SEC24A: variants seen among roughly 807,000 people sequenced by gnomAD.
SEC24A encodes SEC24 homolog A, COPII component.
In SEC24A, 93 loss-of-function variants were observed where a neutral mutation model predicts 129.4. The observed-to-expected ratio is 0.72, with a 90% CI of 0.61 to 0.85. The LOEUF (loss-of-function observed/expected upper bound fraction) is 0.85. SEC24A is among the 40% of genes least tolerant of loss of function. The pLI is 0.00. For synonymous variants in SEC24A, 460 were observed against 467.3 expected (o/e 0.98, Z 0.20); for missense variants, 1,264 against 1,307.4 (o/e 0.97, Z 0.51).
rs147235412 is a variant in SEC24A, at chr5:134,657,900, A to G, written c.98-3219A>G. On this transcript the variant is annotated intron_variant, in intron 1 of 22. Transcript: ENST00000398844. ...CAAAAATTATTTTTATTAAATGTGT[A>G]TATGCAAACACAAAACTAGATGTAA... is the stretch of plus-strand genomic sequence containing the variant. Among the ~76,000 whole-genome samples, 37 of 152,348 alleles carry G rather than the reference A, an allele frequency of 2.4e-4. No individual in the cohort carries two copies. In the East Asian group the frequency reaches 6.7e-3, roughly 28 times the overall value.
chr5:134,665,342 T>C (rs1307967894), intron 2 of SEC24A, among the ~76,000 whole-genome samples: 1 of 150,294 alleles, frequency 6.7e-6, no homozygotes, highest in East Asian at 2.1e-4. Context: ...TGGACCCAGC[T>C]GCTGCCGGAG....
chr5:134,697,487 C>T (rs1167772850), intron 14 of SEC24A, among the ~76,000 whole-genome samples: 1 of 152,076 alleles, frequency 6.6e-6, no homozygotes, highest in East Asian at 1.9e-4. Flanking sequence ...GCCTGTAATC[C>T]TAACAATTTG....
rs76648871 is a variant in SEC24A, at chr5:134,648,956, T to C, written c.-121T>C. On this transcript the variant is annotated 5_prime_UTR_variant, in exon 1 of 23. Coordinates refer to ENST00000398844, the MANE Select transcript of SEC24A (RefSeq NM_021982.3). ...GCCTCGGGCTTAATGCGCCCCCCCC[T>C]CTTCTCCCAGTCTTCAGTCTTAAGT... The C allele has an allele frequency of 4.5e-4, 211 of 467,066 alleles. No individual in the cohort carries two copies. The highest frequency in any genetic ancestry group is 3.5e-3 in the East Asian group (58 of 16,366). The allele number at this position is 467,066 out of a possible 1,614,324, so 28.9% of individuals were successfully genotyped here.
chr5:134,662,235 A>G (rs571100603), intron 2 of SEC24A, among the ~76,000 whole-genome samples: 1 of 152,000 alleles, frequency 6.6e-6, no homozygotes, highest in Admixed American at 6.6e-5. Flanking sequence ...GCTCACTGCA[A>G]GCTCTGCCTC....
At chr5:134,723,771 C>T (rs1358711259) in intron 22 of SEC24A, 101 bp downstream of exon 22, 43 of 701,906 alleles carry the variant, frequency 6.1e-5, no homozygotes, top group Non-Finnish European at 7.0e-5. Flanking sequence ...AAAAAGAGTT[C>T]TTCTCAATAA....
chr5:134,667,396 A>G (rs914201811), intron 3 of SEC24A, among the ~76,000 whole-genome samples: 2 of 152,058 alleles, frequency 1.3e-5, no homozygotes, highest in African/African-American at 4.8e-5. Flanking sequence ...CACACCTGTA[A>G]TCCCAGCACT....
intron 9 of SEC24A, among the ~76,000 whole-genome samples, chr5:134,684,356 G>A (rs1040250648): frequency 1.3e-5 from 2 of 150,942 alleles, no homozygotes; most frequent in Non-Finnish European, 3.0e-5. Flanking sequence ...GGGCAGTTGG[G>A]TCCATTTTTC....
In SEC24A at chr5:134,692,749, T is replaced by C. The variant is rs75170219; in HGVS notation, c.1779+92T>C. On this transcript the variant is annotated intron_variant, in intron 12 of 22. Transcript: ENST00000398844. ...CTTTAAGTAAAATTTTGATTATTTC[T>C]GTGACATTTCTAAGATGTGTAGCAT... The C allele has an allele frequency of 6.2e-3, 5,328 of 858,614 alleles. 28 individuals are homozygous for C. Among genetic ancestry groups the C allele is most frequent in the Non-Finnish European group, 7.8e-3 (3,980 of 512,144 alleles). The allele number at this position is 858,614 out of a possible 1,614,324, so 53.2% of individuals were successfully genotyped here. A position where few individuals can be genotyped will look rare whatever the true frequency, so the allele number is the denominator to read the frequency against.
chr5:134,671,820 A>C lies in SEC24A; in HGVS notation c.751A>C (p.Asn251His). The change falls in exon 4 of 23, where the codon AAT (asparagine) becomes CAT (histidine). Residue 251 changes from asparagine to histidine, a missense_variant. Coordinates refer to ENST00000398844, the MANE Select transcript of SEC24A (RefSeq NM_021982.3). ...AACTTCCTTCTTAGGTATTACATCAAATACCAATAACGGATCTATGGTGGT... is the reference window on the plus strand; with the variant it reads ...AACTTCCTTCTTAGGTATTACATCACATACCAATAACGGATCTATGGTGGT... ...SAVNQEGITSNTNNGSMVVHS... is the reference protein window; with the variant it reads ...SAVNQEGITSHTNNGSMVVHS... 6.3e-7 allele frequency: 1 copy of C among 1,598,644 alleles called. No individual in the cohort carries two copies. The highest frequency in any genetic ancestry group is 2.2e-5 in the East Asian group (1 of 44,528).
At chr5:134,715,416 A>G (rs1752447661) in intron 19 of SEC24A, 1 of 345,750 alleles carries the variant, frequency 2.9e-6, no homozygotes. Flanking sequence ...GACCAGAGCA[A>G]CTTACTAATT....
At chr5:134,704,874 A>C (rs544420239) in intron 16 of SEC24A, among the ~76,000 whole-genome samples, 1 of 150,336 alleles carries the variant, frequency 6.7e-6, no homozygotes, top group African/African-American at 2.4e-5. Flanking sequence ...ATAGGGTCTT[A>C]CTATGTTGTT....
intron 7 of SEC24A, among the ~76,000 whole-genome samples, chr5:134,676,600 C>A (rs541912570): frequency 6.6e-6 from 1 of 152,028 alleles, no homozygotes; most frequent in Non-Finnish European, 1.5e-5. Context: ...TCTGCCACCA[C>A]ACCCAGCTAA....
chr5:134,664,792 C>CTTTTTTTTTTTTT (rs70976552), intron 2 of SEC24A, among the ~76,000 whole-genome samples: 12 of 86,204 alleles, frequency 1.4e-4, no homozygotes, highest in East Asian at 3.7e-4. Flanking sequence ...TTTTCTTTTT[C>CTTTTTTTTTTTTT]TTTTTTTTTT....
chr5:134,657,768 G>A (rs2150069529), intron 1 of SEC24A, among the ~76,000 whole-genome samples: 1 of 152,028 alleles, frequency 6.6e-6, no homozygotes, highest in Middle Eastern at 3.4e-3. Context: ...GTAGAGACGA[G>A]GTCTCACTAT....
intron 14 of SEC24A, among the ~76,000 whole-genome samples, chr5:134,697,549 G>A (rs1404467628): frequency 2.0e-5 from 3 of 151,940 alleles, no homozygotes; most frequent in Admixed American, 2.0e-4. Flanking sequence ...GACCAACCTG[G>A]GCAACATAGG....
At chr5:134,699,408 C>T (rs1420108011) in intron 15 of SEC24A, among the ~76,000 whole-genome samples, 2 of 151,510 alleles carry the variant, frequency 1.3e-5, no homozygotes, top group East Asian at 3.9e-4. Flanking sequence ...ATGCCATTCT[C>T]CTGCCTCAGC....
chr5:134,721,303 C>A (rs554698952), intron 21 of SEC24A, among the ~76,000 whole-genome samples: 2 of 152,148 alleles, frequency 1.3e-5, no homozygotes, highest in Admixed American at 1.3e-4. Context: ...CAGCGGCTCA[C>A]ACTGTAATCC....
intron 4 of SEC24A, among the ~76,000 whole-genome samples, chr5:134,672,360 G>A (rs965829871): frequency 4.6e-5 from 7 of 152,130 alleles, no homozygotes; most frequent in Non-Finnish European, 7.4e-5. Context: ...GCTGATTTTT[G>A]TATTTTTAGT....
At chr5:134,678,602 A>T (rs765956609) in intron 7 of SEC24A, among the ~76,000 whole-genome samples, 8 of 151,740 alleles carry the variant, frequency 5.3e-5, no homozygotes, top group Non-Finnish European at 1.0e-4. Context: ...TATTTCCAAG[A>T]TGGAGTCTTG....
Sources: allele counts gnomAD v4.1 joint callset (sites outside exome capture counted in the v4.1 genomes callset), GRCh38; gene constraint gnomAD v4.1.1; transcripts MANE v1.5; gene names NCBI Gene and HGNC (gene_info 2026-07-23, HGNC 2026-07-21).